Variants in PID1 observed in about 807,000 individuals in gnomAD.
The protein encoded by PID1 is phosphotyrosine interaction domain containing 1, also known as PTB-containing, cubilin and LRP1-interacting protein.
A neutral mutation model predicts 19.1 loss-of-function variants in PID1; 10 were observed. The observed-to-expected ratio is 0.52, with a 90% confidence interval of 0.32 to 0.89. The LOEUF is 0.89. Ranked by LOEUF, PID1 falls within the 40% of genes least tolerant of loss-of-function variation. The pLI, the probability that PID1 is intolerant of heterozygous loss-of-function variation, is 0.03. For synonymous variants in PID1, 130 were observed against 116.0 expected (o/e 1.12, Z -0.78); for missense variants, 248 against 285.3 (o/e 0.87, Z 0.94).
chr2:229,115,818 A>G (rs1459904126), intron 2 of PID1, among the ~76,000 whole-genome samples: 2 of 152,232 alleles, frequency 1.3e-5, no homozygotes, highest in African/African-American at 2.4e-5. Context: ...ACTTCAAGTT[A>G]CTACATTGGT....
chr2:229,054,366 T>C (rs1694053188), intron 2 of PID1, among the ~76,000 whole-genome samples: 1 of 152,120 alleles, frequency 6.6e-6, no homozygotes, highest in Admixed American at 6.6e-5. Flanking sequence ...AGAAGCGGCA[T>C]GTGATGCTGA....
intron 1 of PID1, among the ~76,000 whole-genome samples, chr2:229,223,839 T>C (rs1409408242): frequency 1.3e-5 from 2 of 152,238 alleles, no homozygotes; most frequent in Non-Finnish European, 2.9e-5. Flanking sequence ...ATGGCTATGT[T>C]GCATAATGCT....
At chr2:229,081,309 G>A (rs762337125) in intron 2 of PID1, among the ~76,000 whole-genome samples, 20 of 152,198 alleles carry the variant, frequency 1.3e-4, no homozygotes, top group Non-Finnish European at 2.4e-4. Context: ...CTATGCTTAA[G>A]AAGCTTGGAC....
At chr2:229,042,792 G>A (rs1222094611) in intron 2 of PID1, among the ~76,000 whole-genome samples, 1 of 151,868 alleles carries the variant, frequency 6.6e-6, no homozygotes, top group Non-Finnish European at 1.5e-5. Context: ...CATAATCTTG[G>A]AACCACAGAT....
chr2:229,187,704 A>G (rs190941238), intron 1 of PID1, among the ~76,000 whole-genome samples: 154 of 152,264 alleles, frequency 1.0e-3, no homozygotes, highest in Non-Finnish European at 1.9e-3. Context: ...GATCATTTCC[A>G]TGAGCATAAA....
chr2:229,229,389 C>A (rs1463103505), intron 1 of PID1, among the ~76,000 whole-genome samples: 1 of 152,008 alleles, frequency 6.6e-6, no homozygotes, highest in African/African-American at 2.4e-5. Context: ...CTTGCATTGC[C>A]CCCCAAAAAT....
intron 2 of PID1, among the ~76,000 whole-genome samples, chr2:229,071,932 T>A (rs1694462766): frequency 6.6e-6 from 1 of 152,214 alleles, no homozygotes; most frequent in East Asian, 1.9e-4. Flanking sequence ...ATGCCATCCT[T>A]ATAAAAGTAA....
intron 2 of PID1, among the ~76,000 whole-genome samples, chr2:229,045,043 T>C (rs1693846830): frequency 6.6e-6 from 1 of 152,048 alleles, no homozygotes; most frequent in African/African-American, 2.4e-5. Flanking sequence ...AACCTCTGCC[T>C]CCCAGATTCA....
Position 229,221,709 on chromosome 2 carries a change from A to G in PID1, c.30+49305T>C, listed in dbSNP as rs542169061. Among the ~76,000 whole-genome samples the G allele has an allele frequency of 2.6e-5, 4 of 152,192 alleles. No individual in the cohort carries two copies. The South Asian group carries it at 8.3e-4, about 32-fold the overall frequency. Reference sequence around the variant, plus strand: ...CCACCATTCCCTCTCTCCCAAGGAAAAGACCTATATTCCAACTGTCTCTTG... The same window carrying G: ...CCACCATTCCCTCTCTCCCAAGGAAGAGACCTATATTCCAACTGTCTCTTG... On this transcript the variant is annotated intron_variant, in intron 1 of 2. Coordinates refer to ENST00000392055, the MANE Select transcript of PID1 (RefSeq NM_001100818.2).
intron 1 of PID1, among the ~76,000 whole-genome samples, chr2:229,222,858 C>T (rs1692001088): frequency 1.1e-5 from 1 of 87,246 alleles, no homozygotes; most frequent in African/African-American, 5.8e-5. Context: ...AGTCTCTTCA[C>T]ACACAAACAC....
chr2:229,091,219 T>G (rs1694870626), intron 2 of PID1, among the ~76,000 whole-genome samples: 1 of 152,130 alleles, frequency 6.6e-6, no homozygotes, highest in African/African-American at 2.4e-5. Context: ...AATTATTTTC[T>G]AAAAATGTAT....
intron 1 of PID1, among the ~76,000 whole-genome samples, chr2:229,176,879 G>A (rs957702827): frequency 2.0e-5 from 3 of 152,180 alleles, no homozygotes; most frequent in Admixed American, 2.0e-4. Context: ...CTTACTAGAT[G>A]CATGACCTGG....
chr2:229,120,494 G>C (rs1219152019), intron 2 of PID1, among the ~76,000 whole-genome samples: 1 of 151,800 alleles, frequency 6.6e-6, no homozygotes, highest in Non-Finnish European at 1.5e-5. Flanking sequence ...GAAGAGGAGG[G>C]GTTGGTCTTG....
At chr2:229,145,147 A>G (rs1338400934) in intron 2 of PID1, among the ~76,000 whole-genome samples, 11 of 116,654 alleles carry the variant, frequency 9.4e-5, no homozygotes, top group African/African-American at 3.6e-4. Context: ...GTTTAAATAT[A>G]TGTATGTGTA....
At chr2:229,173,581 T>G (rs1437327488) in intron 1 of PID1, among the ~76,000 whole-genome samples, 2 of 152,340 alleles carry the variant, frequency 1.3e-5, no homozygotes, top group Middle Eastern at 3.4e-3. Context: ...AAGACAGGCA[T>G]GTTTCCTGCC....
At chr2:229,253,724 G>A (rs1690214583) in intron 1 of PID1, among the ~76,000 whole-genome samples, 5 of 152,184 alleles carry the variant, frequency 3.3e-5, no homozygotes, top group African/African-American at 1.2e-4. Context: ...GAGCTTTCAA[G>A]CATGGCTCCT....
chr2:229,218,913 C>T (rs550435004), intron 1 of PID1, among the ~76,000 whole-genome samples: 2 of 152,290 alleles, frequency 1.3e-5, no homozygotes, highest in South Asian at 2.1e-4. Flanking sequence ...GATCCATACT[C>T]CTTTCTTTGT....
chr2:229,241,053 C>T (rs1689853564), intron 1 of PID1, among the ~76,000 whole-genome samples: 1 of 152,078 alleles, frequency 6.6e-6, no homozygotes, highest in Non-Finnish European at 1.5e-5. Flanking sequence ...TTCTATCTGG[C>T]CCTTTTGTAA....
Position 229,103,571 on chromosome 2 carries a change from A to AT in PID1, c.177+52246dup, listed in dbSNP as rs60510809. 7.1e-3 allele frequency among the ~76,000 whole-genome samples: 542 copies of AT among 75,984 alleles called. 7 individuals are homozygous for AT. The highest frequency in any genetic ancestry group is 0.011 in the East Asian group (30 of 2,622). The allele number at this position is 75,984 out of a possible 152,430, so 49.8% of individuals were successfully genotyped here. On this transcript the variant is annotated intron_variant, in intron 2 of 2. Coordinates refer to ENST00000392055, the MANE Select transcript of PID1 (RefSeq NM_001100818.2). ...AGACTGCCTAGACTTATATGCTGGA[A>AT]TTTTTTTTTTTTTTTTTTTTTTTTG... is the stretch of plus-strand genomic sequence containing the variant.
Sources: gnomAD v4.1 joint callset for allele counts (sites outside exome capture counted in the v4.1 genomes callset) on GRCh38, gnomAD v4.1.1 for gene constraint, MANE v1.5 for transcripts, NCBI Gene and HGNC (gene_info 2026-07-23, HGNC 2026-07-21) for gene names.